The following GNAT3 variants were observed in gnomAD, a reference collection of about 807,000 sequenced individuals.
GNAT3 encodes G protein subunit alpha transducin 3.
Under a neutral mutation model 37.7 loss-of-function variants are expected in GNAT3, and 31 were observed. The ratio of observed to expected loss-of-function variants is 0.82; its 90% confidence interval spans 0.62 to 1.11. The LOEUF is 1.11. GNAT3 is among the 50% of genes most tolerant of loss of function. GNAT3 has a pLI of 0.00. For missense variants in GNAT3, 437 were observed against 412.5 expected, an observed-to-expected ratio of 1.06 and a Z score of -0.51; for synonymous variants, 138 against 139.8, an observed-to-expected ratio of 0.99 and a Z score of 0.09.
intron 1 of GNAT3, among the ~76,000 whole-genome samples, chr7:80,501,313 C>T (rs781649400): frequency 2.6e-5 from 4 of 151,958 alleles, no homozygotes; most frequent in Non-Finnish European, 5.9e-5. Context: ...CTTTCTTTCT[C>T]ATATGTATGT....
At chr7:80,504,094 T>C (rs1790886599) in intron 1 of GNAT3, among the ~76,000 whole-genome samples, 1 of 152,182 alleles carries the variant, frequency 6.6e-6, no homozygotes, top group Admixed American at 6.5e-5. Context: ...GACAGGCAGA[T>C]CGCTTGAGCC....
At chr7:80,497,188 G>A (rs1395872977) in intron 1 of GNAT3, among the ~76,000 whole-genome samples, 3 of 152,068 alleles carry the variant, frequency 2.0e-5, no homozygotes, top group African/African-American at 7.2e-5. Context: ...TTTACTAGAG[G>A]CTGCAATGCC....
chr7:80,484,727 C>A (rs1790448039), intron 3 of GNAT3, among the ~76,000 whole-genome samples: 1 of 151,822 alleles, frequency 6.6e-6, no homozygotes, highest in Non-Finnish European at 1.5e-5. Context: ...GGTTTGTTAA[C>A]CCTCTTTTCA....
At chr7:80,482,323 TA>T (rs1790403827) in intron 3 of GNAT3, among the ~76,000 whole-genome samples, 1 of 152,144 alleles carries the variant, frequency 6.6e-6, no homozygotes, top group Non-Finnish European at 1.5e-5. Context: ...CTTCCACTAT[TA>T]AAGTGCTGTT....
intron 2 of GNAT3, 58 bp downstream of exon 2, chr7:80,494,547 T>A (rs1004079911): frequency 1.0e-5 from 9 of 903,458 alleles, no homozygotes; most frequent in Admixed American, 7.3e-5. Flanking sequence ...ATTTTAAGAA[T>A]GGTCAAATAC....
intron 2 of GNAT3, among the ~76,000 whole-genome samples, chr7:80,492,953 T>C (rs1219905949): frequency 6.6e-6 from 1 of 152,140 alleles, no homozygotes; most frequent in African/African-American, 2.4e-5. Context: ...TTGTCATTTC[T>C]ATACTCTCTA....
Position 80,479,007 on chromosome 7 carries a change from A to G in GNAT3, c.304-9T>C. 1 of 1,578,548 alleles carries G rather than the reference A, an allele frequency of 6.3e-7. No homozygotes were observed. Among genetic ancestry groups the G allele is most frequent in the Non-Finnish European group, 8.6e-7 (1 of 1,162,162 alleles). On this transcript the variant is annotated splice_polypyrimidine_tract_variant and intron_variant, in intron 3 of 7. Coordinates refer to ENST00000398291, the MANE Select transcript of GNAT3 (RefSeq NM_001102386.3). Reference sequence around the variant, plus strand: ...AGTTGTCGTTGGTCCTCCTAGAACAATATTTTGGTGAGAATAAGTATGTAT... The same window carrying G: ...AGTTGTCGTTGGTCCTCCTAGAACAGTATTTTGGTGAGAATAAGTATGTAT...
chr7:80,491,102 G>GGGA (rs1388687629), intron 2 of GNAT3, among the ~76,000 whole-genome samples: 3 of 152,136 alleles, frequency 2.0e-5, no homozygotes, highest in Admixed American at 1.3e-4. Context: ...GGGAAGAGAA[G>GGGA]GGAGGTAGAA....
chr7:80,490,150 C>T (rs939334493), intron 2 of GNAT3, among the ~76,000 whole-genome samples: 3 of 152,098 alleles, frequency 2.0e-5, no homozygotes, highest in Non-Finnish European at 4.4e-5. Flanking sequence ...TAAAGAAATA[C>T]ATTATACAAG....
chr7:80,462,137 A>C (rs974927633), intron 7 of GNAT3, 22 bp downstream of exon 7: 13 of 1,464,706 alleles, frequency 8.9e-6, no homozygotes, highest in Admixed American at 2.3e-5. Context: ...ATTTCTATGG[A>C]ACTAAAAGAA....
rs539041801 is a variant in GNAT3, at chr7:80,474,262, G to A, written c.579C>T (p.Asp193=). The A allele has an allele frequency of 5.0e-6, 8 of 1,603,706 alleles. No homozygotes were observed. The highest frequency in any genetic ancestry group is 2.2e-5 in the East Asian group (1 of 44,590). The part of the protein sequence containing the change: ...GIIETQFSFK[D]LHFRMFDVGG... ...ATATTTGATCATACCTGAAGTGCAA[G>A]TCTTTAAAGGAGAATTGAGTTTCAA... Residue 193 remains aspartate (D), a synonymous_variant, in exon 5 of 8, where the codon GAC becomes GAT. Transcript: ENST00000398291.
In GNAT3 at chr7:80,479,147, T is replaced by C. The variant is rs1790351004; in HGVS notation, c.304-149A>G. On this transcript the variant is annotated intron_variant, in intron 3 of 7. Coordinates refer to ENST00000398291, the MANE Select transcript of GNAT3 (RefSeq NM_001102386.3). ...TCTTTTTGAACTATATTGAGGTAAA[T>C]AGAACTAAAGTTTTTCATGGCTGGA... 3 of 592,892 alleles carry C rather than the reference T, an allele frequency of 5.1e-6. No individual in the cohort carries two copies. The South Asian group carries it at 1.0e-4, about 21-fold the overall frequency. 36.7% of individuals were successfully genotyped at this position (592,892 alleles called of 1,614,324 possible).
intron 1 of GNAT3, among the ~76,000 whole-genome samples, chr7:80,497,620 ACG>A (rs1268353542): frequency 8.3e-6 from 1 of 121,186 alleles, no homozygotes; most frequent in Non-Finnish European, 1.7e-5. Flanking sequence ...ATATACATAT[ACG>A]TATATACATA....
rs769770336 is a variant in GNAT3 at position 80,478,931 on chromosome 7, G to A, written c.371C>T (p.Ala124Val). 10 of 1,612,682 alleles carry A rather than the reference G, an allele frequency of 6.2e-6. No individual in the cohort carries two copies. In the South Asian group the frequency reaches 9.9e-5, roughly 16 times the overall value. The stretch of plus-strand genomic sequence containing the variant: ...TCTCCACAGCCGTTTTATTACCTCA[G>A]CCAGTTGAGGTGTCATGCCACCATC... ...LEDGGMTPQL[A>V]EVIKRLWRDP... The change falls in exon 4 of 8, where the codon GCT becomes GTT. Residue 124 changes from alanine to valine, a missense_variant. Coordinates refer to ENST00000398291, the MANE Select transcript of GNAT3 (RefSeq NM_001102386.3).
At chr7:80,492,219 C>T (rs868688485) in intron 2 of GNAT3, among the ~76,000 whole-genome samples, 113 of 151,752 alleles carry the variant, frequency 7.4e-4, no homozygotes, top group South Asian at 1.5e-3. Context: ...TGGCAGGCAC[C>T]TGTAATCCCA....
chr7:80,486,388 T>A (rs1195765966), intron 3 of GNAT3: 1 of 152,054 alleles, frequency 6.6e-6, no homozygotes, highest in Non-Finnish European at 1.5e-5. Flanking sequence ...GTAGAGTTTA[T>A]TATTTTCACT....
rs2116242856 is a variant in GNAT3, at chr7:80,511,918, A to G, written c.9T>C (p.Ser3=). 1.2e-6 allele frequency: 2 copies of G among 1,606,424 alleles called. No individual in the cohort carries two copies. The highest frequency in any genetic ancestry group is 1.7e-6 in the Non-Finnish European group (2 of 1,174,248). Residue 3 remains serine, a synonymous_variant, in exon 1 of 8, where the codon AGT becomes AGC. Transcript: ENST00000398291. MG[S]GISSESKESA... ...ACTCCTTGCTCTCTGAACTAATTCCACTTCCCATCTTGTGGTGGTAGATAC... is the reference window on the plus strand; with the variant it reads ...ACTCCTTGCTCTCTGAACTAATTCCGCTTCCCATCTTGTGGTGGTAGATAC...
At chr7:80,485,846 A>G (rs779475821) in intron 3 of GNAT3, among the ~76,000 whole-genome samples, 1 of 152,070 alleles carries the variant, frequency 6.6e-6, no homozygotes, top group Non-Finnish European at 1.5e-5. Context: ...TTTAATAGTC[A>G]TTGTAACTCA....
At chr7:80,507,792 T>A (rs557271840) in intron 1 of GNAT3, among the ~76,000 whole-genome samples, 7 of 152,012 alleles carry the variant, frequency 4.6e-5, no homozygotes, top group Non-Finnish European at 1.0e-4. Flanking sequence ...TTAGATAGCA[T>A]CAAAAATCAT....
Sources: gnomAD v4.1 joint callset for allele counts (sites outside exome capture counted in the v4.1 genomes callset) on GRCh38, gnomAD v4.1.1 for gene constraint, MANE v1.5 for transcripts, NCBI Gene and HGNC (gene_info 2026-07-23, HGNC 2026-07-21) for gene names.